Variants in TRPM6 observed in about 807,000 individuals in gnomAD.
TRPM6 encodes the protein channel kinase 2.
In TRPM6, 111 loss-of-function variants were observed where a neutral mutation model predicts 247.6. The observed-to-expected ratio is 0.45, with a 90% confidence interval of 0.38 to 0.52. The LOEUF is 0.52. Ranked by LOEUF, TRPM6 falls within the 20% of genes least tolerant of loss-of-function variation. TRPM6 has a pLI of 0.00. For missense variants in TRPM6, 2,126 were observed against 2,421.5 expected (o/e 0.88, Z 2.56); for synonymous variants, 892 against 853.8 (o/e 1.04, Z -0.78).
At chr9:74,727,712 T>A (rs1044995613) in intron 38 of TRPM6, among the ~76,000 whole-genome samples, 5 of 152,080 alleles carry the variant, frequency 3.3e-5, no homozygotes, top group African/African-American at 1.2e-4. Flanking sequence ...TTTTTAAGTA[T>A]GTCATATTAT....
chr9:74,761,512 T>A (rs1468040662), intron 27 of TRPM6, among the ~76,000 whole-genome samples, 184 bp downstream of exon 27: 2 of 152,120 alleles, frequency 1.3e-5, no homozygotes, highest in East Asian at 3.9e-4. Flanking sequence ...AGGTTCAAGG[T>A]CAGCCTGGAC....
rs896990138 is a variant in TRPM6, at chr9:74,761,555, G to GAGGAACAA, written c.4785+133_4785+140dup. 7 of 679,512 alleles carry GAGGAACAA rather than the reference G, an allele frequency of 1.0e-5. No individual in the cohort carries two copies. In the Admixed American group the frequency reaches 1.0e-4, roughly 10 times the overall value. 42.1% of individuals were successfully genotyped at this position (679,512 alleles called of 1,614,324 possible). A position where few individuals can be genotyped will look rare whatever the true frequency, so the allele number is the denominator to read the frequency against. On this transcript the variant is annotated intron_variant, in intron 27 of 38. Coordinates refer to ENST00000360774, the MANE Select transcript of TRPM6 (RefSeq NM_017662.5). ...CAAGACCCCACCCATCTCTTAAAAA[G>GAGGAACAA]AGGAACAAATTATATCTTCAATCCT...
intron 5 of TRPM6, among the ~76,000 whole-genome samples, chr9:74,839,298 T>C (rs995427532): frequency 2.6e-5 from 4 of 152,114 alleles, no homozygotes; most frequent in Admixed American, 1.3e-4. Context: ...GTTGTCCTTA[T>C]GTGCAGACAG....
chr9:74,807,606 T>C (rs1828572030), intron 14 of TRPM6, among the ~76,000 whole-genome samples: 1 of 152,228 alleles, frequency 6.6e-6, no homozygotes, highest in South Asian at 2.1e-4. Flanking sequence ...ACTACATGCT[T>C]ATACCAAGTT....
chr9:74,776,469 A>G (rs1299796605), intron 23 of TRPM6, among the ~76,000 whole-genome samples: 1 of 152,200 alleles, frequency 6.6e-6, no homozygotes, highest in Non-Finnish European at 1.5e-5. Context: ...TGTATCATCT[A>G]CCTAATGTCA....
In TRPM6 at chr9:74,844,303, C is replaced by T. The variant is rs1830039210; in HGVS notation, c.153-1960G>A. ...TTTGAAGCCAGACATTGACTTCTCTCTAGCTATGAAAGTCTCAGATGGCAT... is the reference window on the plus strand; with the variant it reads ...TTTGAAGCCAGACATTGACTTCTCTTTAGCTATGAAAGTCTCAGATGGCAT... On this transcript the variant is annotated intron_variant, in intron 3 of 38. Coordinates refer to ENST00000360774, the MANE Select transcript of TRPM6 (RefSeq NM_017662.5). Among the ~76,000 whole-genome samples, 8 of 152,324 alleles carry T rather than the reference C, an allele frequency of 5.3e-5. No homozygotes were observed. The South Asian group carries it at 1.7e-3, about 32-fold the overall frequency.
intron 25 of TRPM6, among the ~76,000 whole-genome samples, chr9:74,766,829 G>A (rs987703152): frequency 6.6e-6 from 1 of 152,054 alleles, no homozygotes; most frequent in Non-Finnish European, 1.5e-5. Context: ...AGAATCACCT[G>A]AACCCAGGGA....
chr9:74,735,492 C>T (rs1232957945), intron 36 of TRPM6, among the ~76,000 whole-genome samples: 1 of 151,942 alleles, frequency 6.6e-6, no homozygotes, highest in Non-Finnish European at 1.5e-5. Flanking sequence ...TATGTAGTAG[C>T]AGAATTGATG....
intron 13 of TRPM6, among the ~76,000 whole-genome samples, chr9:74,809,206 C>G (rs1460325103): frequency 6.6e-6 from 1 of 152,158 alleles, no homozygotes; most frequent in Non-Finnish European, 1.5e-5. Context: ...TGTGCCAAGA[C>G]AAGTGTTATG....
chr9:74,788,687 T>C lies in TRPM6; in HGVS notation c.2594A>G (p.Gln865Arg). The change falls in exon 20 of 39, where the codon CAG (glutamine) becomes CGG (arginine). Residue 865 changes from glutamine (Q) to arginine (R), a missense_variant. By Grantham distance (43) the Gln-to-Arg change is conservative. This residue lies in a region of TRPM6 where 1,082 missense variants were observed against 1,307.9 expected (regional missense o/e 0.83). Coordinates refer to ENST00000360774, the MANE Select transcript of TRPM6 (RefSeq NM_017662.5). The stretch of plus-strand genomic sequence containing the variant: ...CCACTCCTGCACGCTGGGCTGGGGC[T>C]GCATCTCCACCAACACGGTGTAAGT... The part of the protein sequence containing the change: ...LFTYTVLVEM[Q>R]PQPSVQEWLV... The C allele has an allele frequency of 6.2e-7, 1 of 1,614,046 alleles. No individual in the cohort carries two copies. Among genetic ancestry groups the C allele is most frequent in the South Asian group, 1.1e-5 (1 of 91,086 alleles).
chr9:74,864,617 G>T (rs1357859433), intron 1 of TRPM6, among the ~76,000 whole-genome samples: 1 of 152,184 alleles, frequency 6.6e-6, no homozygotes, highest in Non-Finnish European at 1.5e-5. Context: ...GTGGTAAAAG[G>T]TGAGCACTAT....
At chr9:74,728,382 T>C in intron 37 of TRPM6, 37 bp from the exon 38 acceptor site, 1 of 1,448,224 alleles carries the variant, frequency 6.9e-7, no homozygotes, top group Non-Finnish European at 9.7e-7. Flanking sequence ...AGATCACAGC[T>C]AAGAAAAAGG....
intron 31 of TRPM6, 111 bp from the exon 32 acceptor site, chr9:74,744,256 C>T (rs1587461107): frequency 8.3e-7 from 1 of 1,198,564 alleles, no homozygotes; most frequent in Non-Finnish European, 1.2e-6. Context: ...AGAATGGCTT[C>T]TCAGTATTCG....
intron 1 of TRPM6, among the ~76,000 whole-genome samples, chr9:74,865,241 A>G (rs1830811436): frequency 6.6e-6 from 1 of 152,168 alleles, no homozygotes; most frequent in African/African-American, 2.4e-5. Flanking sequence ...GTGAAGTGAT[A>G]TCATACCCCT....
Position 74,812,371 on chromosome 9 carries a change from C to T in TRPM6, c.1371G>A (p.Lys457=). Residue 457 remains lysine (K), a synonymous_variant, in exon 12 of 39, where the codon AAG becomes AAA. Transcript: ENST00000360774. ...GGTTCACTCCATATTCTATTAAGAG[C>T]TTCACAAAATCCACCCGATCCATCA... ...ALVMDRVDFV[K]LLIEYGVNLH... is the part of the protein sequence containing the mutation. 1 of 1,614,042 alleles carries T rather than the reference C, an allele frequency of 6.2e-7. No homozygotes were observed. Among genetic ancestry groups the T allele is most frequent in the Non-Finnish European group, 8.5e-7 (1 of 1,179,972 alleles).
At position 74,775,950 on chromosome 9, in the gene TRPM6, G is replaced by A; in HGVS notation, c.3336C>T (p.Gly1112=). The change falls in exon 24 of 39, where the codon GGC becomes GGT. Residue 1112 remains glycine, a synonymous_variant. Transcript: ENST00000360774. ...PPPLILLSHV[G]LLLRRLCCHR... ...GACAGCACAGGCGGCGGAGGAGAAG[G>A]CCCACGTGGCTCAGCAGGATGAGAG... The A allele has an allele frequency of 1.2e-6, 2 of 1,614,186 alleles. No homozygotes were observed. The highest frequency in any genetic ancestry group is 1.7e-6 in the Non-Finnish European group (2 of 1,180,044).
intron 23 of TRPM6, among the ~76,000 whole-genome samples, chr9:74,776,833 A>G (rs1034500884): frequency 4.6e-5 from 7 of 152,240 alleles, no homozygotes; most frequent in African/African-American, 1.7e-4. Context: ...GCATAGACTA[A>G]CAAAATTTAG....
At chr9:74,741,533 T>C (rs1825863739) in intron 33 of TRPM6, among the ~76,000 whole-genome samples, 1 of 152,072 alleles carries the variant, frequency 6.6e-6, no homozygotes, top group Non-Finnish European at 1.5e-5. Context: ...CTAGAGGCTT[T>C]AGAGCAGAGC....
intron 5 of TRPM6, among the ~76,000 whole-genome samples, chr9:74,839,158 T>C (rs1158008447): frequency 6.7e-6 from 1 of 150,294 alleles, no homozygotes; most frequent in Non-Finnish European, 1.5e-5. Context: ...AGTAACAAAC[T>C]GGTAAGAGAC....
Sources: gnomAD v4.1 joint callset for allele counts (sites outside exome capture counted in the v4.1 genomes callset) on GRCh38, gnomAD v4.1.1 for gene constraint, gnomAD v4.1.1 regional missense constraint, MANE v1.5 for transcripts, NCBI Gene and HGNC (gene_info 2026-07-23, HGNC 2026-07-21) for gene names.